RBFOX1: variants seen among roughly 807,000 people sequenced by gnomAD.
The protein encoded by RBFOX1 is RNA binding protein fox-1 homolog 1.
RBFOX1 carries 8 observed loss-of-function variants against 57.7 expected under a neutral mutation model. That is an observed-to-expected ratio of 0.14 (90% CI 0.08 to 0.25). RBFOX1 has a LOEUF of 0.25. Among genes scored for constraint, RBFOX1 ranks in the 10% least tolerant of loss-of-function variants. RBFOX1 has a pLI of 1.00. For synonymous variants in RBFOX1, 326 were observed against 222.4 expected (o/e 1.47, Z -4.15); for missense variants, 611 against 548.5 (o/e 1.11, Z -1.14).
rs142315303 is a variant in RBFOX1 at position 5,582,947 on chromosome 16, G to C, written c.259-15955G>C. The stretch of plus-strand genomic sequence containing the variant: ...AAATCAGTGATAATGTTGAGCACTC[G>C]GGAGCCAGGCTCTATTGTGAGACCT... On this transcript the variant is annotated intron_variant, in intron 2 of 2. Coordinates refer to the RBFOX1 transcript ENST00000585867. Among the ~76,000 whole-genome samples the C allele has an allele frequency of 8.5e-5, 13 of 152,266 alleles. No individual in the cohort carries two copies. The South Asian group carries it at 2.7e-3, about 32-fold the overall frequency.
chr16:6,079,897 A>G (rs34217960), intron 1 of RBFOX1, among the ~76,000 whole-genome samples: 3,087 of 152,326 alleles, frequency 0.02, 47 homozygotes, highest in Non-Finnish European at 0.031. Context: ...ATACAAAATA[A>G]TAAGTGTCTA....
chr16:6,888,619 C>A (rs1438040302), intron 3 of RBFOX1, among the ~76,000 whole-genome samples: 1 of 152,074 alleles, frequency 6.6e-6, no homozygotes, highest in South Asian at 2.1e-4. Context: ...TCTTTTGGTT[C>A]ATCAGGCTGT....
chr16:6,212,594 C>G (rs2097305630), intron 1 of RBFOX1, among the ~76,000 whole-genome samples: 1 of 152,066 alleles, frequency 6.6e-6, no homozygotes, highest in Non-Finnish European at 1.5e-5. Context: ...GTAGTCCCAG[C>G]TACTTGGGAG....
intron 2 of RBFOX1, among the ~76,000 whole-genome samples, chr16:6,631,252 G>A (rs2098381285): frequency 6.6e-6 from 1 of 151,998 alleles, no homozygotes; most frequent in African/African-American, 2.4e-5. Flanking sequence ...GACAAGTAAA[G>A]GGATGGAATA....
intron 2 of RBFOX1, among the ~76,000 whole-genome samples, chr16:6,565,706 G>T (rs2097255488): frequency 6.6e-6 from 1 of 152,138 alleles, no homozygotes; most frequent in Admixed American, 6.5e-5. Flanking sequence ...CTGACCTCGT[G>T]ATCCGCCCGC....
At chr16:6,096,269 G>T (rs532870312) in intron 1 of RBFOX1, among the ~76,000 whole-genome samples, 1 of 152,242 alleles carries the variant, frequency 6.6e-6, no homozygotes, top group Non-Finnish European at 1.5e-5. Flanking sequence ...AAGAAAAGAG[G>T]AGAAAAGGAA....
intron 3 of RBFOX1, among the ~76,000 whole-genome samples, chr16:7,003,295 A>G (rs775044632): frequency 6.6e-6 from 1 of 151,996 alleles, no homozygotes; most frequent in Non-Finnish European, 1.5e-5. Context: ...CCCCGTCTCT[A>G]CTAAAAGTGC....
intron 3 of RBFOX1, among the ~76,000 whole-genome samples, chr16:5,620,929 C>T (rs554162265): frequency 2.4e-4 from 36 of 151,562 alleles, no homozygotes; most frequent in African/African-American, 8.5e-4. Context: ...CAAGTTCCGC[C>T]TCCCGGGTTC....
rs76326280 is a variant in RBFOX1, at chr16:7,203,027, C to T, written c.27+150929C>T. 6.6e-5 allele frequency among the ~76,000 whole-genome samples: 10 copies of T among 152,122 alleles called. No homozygotes were observed. In the South Asian group the frequency reaches 1.9e-3, roughly 28 times the overall value. On this transcript the variant is annotated intron_variant, in intron 4 of 15. Coordinates refer to ENST00000550418, the MANE Select transcript of RBFOX1 (RefSeq NM_018723.4). ...GGTCTGGATCTCCTGACCTCGTGAT[C>T]CGCCTGCCTCGGCCTCCCAAAGTGC...
intron 14 of RBFOX1, among the ~76,000 whole-genome samples, chr16:7,696,872 C>T (rs1168601201): frequency 1.3e-5 from 2 of 152,118 alleles, no homozygotes; most frequent in East Asian, 1.9e-4. Context: ...ACCCATGAAA[C>T]ATACAGCAGG....
chr16:6,635,268 G>A (rs963161544), intron 2 of RBFOX1, among the ~76,000 whole-genome samples: 4 of 150,978 alleles, frequency 2.6e-5, no homozygotes, highest in African/African-American at 9.7e-5. Context: ...TGATTTTTTG[G>A]AACATTAGTT....
chr16:6,048,101 G>A (rs766683500), intron 1 of RBFOX1, among the ~76,000 whole-genome samples: 58 of 152,290 alleles, frequency 3.8e-4, no homozygotes, highest in African/African-American at 1.2e-3. Flanking sequence ...TATGTGCGCA[G>A]CATTTTACGG....
intron 2 of RBFOX1, among the ~76,000 whole-genome samples, chr16:6,453,646 C>T (rs868007316): frequency 6.6e-6 from 1 of 152,012 alleles, no homozygotes; most frequent in Middle Eastern, 3.2e-3. Flanking sequence ...TATTTCCAAA[C>T]AATAGAAAAA....
intron 4 of RBFOX1, among the ~76,000 whole-genome samples, chr16:7,399,175 C>T (rs560468400): frequency 1.6e-4 from 24 of 152,166 alleles, no homozygotes; most frequent in Non-Finnish European, 2.5e-4. Context: ...GGGCCAGGTG[C>T]GGTAGCTCAC....
chr16:7,075,672 T>C (rs2058157538), intron 4 of RBFOX1, among the ~76,000 whole-genome samples: 1 of 151,978 alleles, frequency 6.6e-6, no homozygotes, highest in Admixed American at 6.6e-5. Flanking sequence ...GGTCCGCCTC[T>C]CAGGTTCACA....
chr16:6,255,070 C>T (rs1470014316), intron 1 of RBFOX1, among the ~76,000 whole-genome samples: 8 of 152,136 alleles, frequency 5.3e-5, no homozygotes, highest in Non-Finnish European at 1.5e-5. Flanking sequence ...TTCAGCATCA[C>T]ATATGTCCGC....
In RBFOX1 at chr16:5,821,288, C is replaced by CTTTTT. The variant is rs748095632; in HGVS notation, c.319-46012_319-46008dup. Among the ~76,000 whole-genome samples, 37 of 125,440 alleles carry CTTTTT rather than the reference C, an allele frequency of 2.9e-4. 7 individuals are homozygous for CTTTTT. The highest frequency in any genetic ancestry group is 2.8e-4 in the Non-Finnish European group (17 of 59,870). The allele number at this position is 125,440 out of a possible 152,430, so 82.3% of individuals were successfully genotyped here. ...GGAAGTGGGCTGTCTGTCATTCTCT[C>CTTTTT]TTTTTTTATTTTTTTTTTTTTTTTT... On this transcript the variant is annotated intron_variant, in intron 3 of 19. Coordinates refer to the RBFOX1 transcript ENST00000641259.
At position 6,851,510 on chromosome 16, in the gene RBFOX1, TATTC is replaced by T. The variant is rs1417019267; in HGVS notation, c.-16+196862_-16+196865del. On this transcript the variant is annotated intron_variant, in intron 3 of 15. Transcript: ENST00000550418. ...ATATAACAACTTAGAGTTTGAAAGA[TATTC>T]ACAACATATTTTACATATTAAATTT... Among the ~76,000 whole-genome samples the T allele has an allele frequency of 7.9e-5, 12 of 152,336 alleles. No individual in the cohort carries two copies. In the Middle Eastern group the frequency reaches 0.02, roughly 259 times the overall value.
intron 4 of RBFOX1, among the ~76,000 whole-genome samples, chr16:7,064,993 A>C (rs2055595796): frequency 6.6e-6 from 1 of 152,204 alleles, no homozygotes; most frequent in African/African-American, 2.4e-5. Context: ...ACCACCACAT[A>C]CAACAAATCA....
Sources: allele counts gnomAD v4.1 joint callset (sites outside exome capture counted in the v4.1 genomes callset), GRCh38; gene constraint gnomAD v4.1.1; transcripts MANE v1.5; gene names NCBI Gene and HGNC (gene_info 2026-07-23, HGNC 2026-07-21).